The following CCNT1 variants were observed in gnomAD, a reference collection of about 807,000 sequenced individuals.
The protein encoded by CCNT1 is cyclin-T1.
A neutral mutation model predicts 67.3 loss-of-function variants in CCNT1; 18 were observed. The observed-to-expected ratio is 0.27, with a 90% CI of 0.18 to 0.40. CCNT1 has a LOEUF of 0.40. CCNT1 is among the 10% of genes least tolerant of loss of function. The pLI, the probability that CCNT1 is intolerant of heterozygous loss-of-function variation, is 1.00. For synonymous variants in CCNT1, 333 were observed against 310.3 expected, an observed-to-expected ratio of 1.07 and a Z score of -0.77; for missense variants, 744 against 884.9, an observed-to-expected ratio of 0.84 and a Z score of 2.02.
At chr12:48,703,267 A>C (rs1250246513) in intron 3 of CCNT1, among the ~76,000 whole-genome samples, 2 of 151,844 alleles carry the variant, frequency 1.3e-5, no homozygotes, top group African/African-American at 4.8e-5. Context: ...ACAAAACGAG[A>C]TTCTGTCTCA....
intron 2 of CCNT1, among the ~76,000 whole-genome samples, chr12:48,709,301 T>C (rs1940412508): frequency 6.6e-6 from 1 of 152,234 alleles, no homozygotes; most frequent in Admixed American, 6.5e-5. Flanking sequence ...TAATATTTGT[T>C]GTTTGTTAGG....
intron 3 of CCNT1, among the ~76,000 whole-genome samples, chr12:48,704,051 G>A (rs1940315921): frequency 6.6e-6 from 1 of 152,034 alleles, no homozygotes; most frequent in South Asian, 2.1e-4. Flanking sequence ...TTAAATACTA[G>A]CCAGACATTT....
At position 48,694,168 on chromosome 12, in the gene CCNT1, T is replaced by C. The variant is rs748949390; in HGVS notation, c.1046A>G (p.His349Arg). 3.1e-6 allele frequency: 5 copies of C among 1,614,242 alleles called. No individual in the cohort carries two copies. The East Asian group carries it at 6.7e-5, about 22-fold the overall frequency. ...AAGTGCTAAATTCTCACTAGTCCGA[T>C]GACCCTGAGTAGGTTCTAGTTTGAA... ...PSFKLEPTQG[H>R]RTSENLALTG... Residue 349 changes from histidine (H) to arginine (R), a missense_variant, in exon 9 of 9, where the codon CAT becomes CGT. His to Arg is a conservative substitution (Grantham distance 29, BLOSUM62 0). Coordinates refer to ENST00000261900, the MANE Select transcript of CCNT1 (RefSeq NM_001240.4).
intron 2 of CCNT1, among the ~76,000 whole-genome samples, chr12:48,708,767 C>T (rs1940404474): frequency 6.6e-6 from 1 of 152,008 alleles, no homozygotes; most frequent in Non-Finnish European, 1.5e-5. Flanking sequence ...TTAAAAAGTA[C>T]ATATTTATAA....
intron 2 of CCNT1, among the ~76,000 whole-genome samples, chr12:48,708,667 C>T (rs908425422): frequency 6.6e-6 from 1 of 151,908 alleles, no homozygotes; most frequent in African/African-American, 2.4e-5. Context: ...TACTTGCATA[C>T]AAAGAAAAAA....
chr12:48,706,912 A>G (rs980068088), intron 2 of CCNT1, among the ~76,000 whole-genome samples: 10 of 152,154 alleles, frequency 6.6e-5, no homozygotes, highest in Non-Finnish European at 1.3e-4. Flanking sequence ...ATTTAAAACA[A>G]AATTTTTTTA....
rs568529713 is a variant in CCNT1, at chr12:48,715,739, A to G, written c.161+776T>C. On this transcript the variant is annotated intron_variant, in intron 1 of 8. Transcript: ENST00000261900. ...CGGCCTCCCAAAGTGCAGAGATTACAGGCGTGAGCCACCGCATCCAGCCGT... is the reference window on the plus strand; with the variant it reads ...CGGCCTCCCAAAGTGCAGAGATTACGGGCGTGAGCCACCGCATCCAGCCGT... Among the ~76,000 whole-genome samples the G allele has an allele frequency of 2.0e-5, 3 of 152,340 alleles. No homozygotes were observed. In the South Asian group the frequency reaches 6.2e-4, roughly 32 times the overall value.
chr12:48,715,436 G>A (rs1049395796), intron 1 of CCNT1, among the ~76,000 whole-genome samples: 1 of 151,976 alleles, frequency 6.6e-6, no homozygotes, highest in Non-Finnish European at 1.5e-5. Context: ...ACAAAAATAT[G>A]TGGGAGAGGT....
chr12:48,689,670 T>C lies in CCNT1; in HGVS notation c.*3363A>G, dbSNP rs577661603. ...CAAAATAACTCATAAACAAAAAAAA[T>C]TGTAAATATTAATCAGTTCCCAAAA... On this transcript the variant is annotated 3_prime_UTR_variant, in exon 9 of 9. Coordinates refer to ENST00000261900, the MANE Select transcript of CCNT1 (RefSeq NM_001240.4). 4.6e-5 allele frequency: 7 copies of C among 152,272 alleles called. No homozygotes were observed. The East Asian group carries it at 7.7e-4, about 17-fold the overall frequency. The allele number at this position is 152,272 out of a possible 1,614,324, so 9.4% of individuals were successfully genotyped here.
At chr12:48,696,295 G>A in intron 6 of CCNT1, 133 bp from the exon 7 acceptor site, 1 of 572,678 alleles carries the variant, frequency 1.7e-6, no homozygotes, top group African/African-American at 2.0e-5. Context: ...AGAGTAAGAA[G>A]GGTAAGAAAT....
At chr12:48,709,164 A>G (rs900771324) in intron 2 of CCNT1, among the ~76,000 whole-genome samples, 1 of 152,188 alleles carries the variant, frequency 6.6e-6, no homozygotes, top group Non-Finnish European at 1.5e-5. Context: ...TTAGAAACTA[A>G]AAGTATGGCA....
chr12:48,696,239 TAAAAAAAAAAAAAAA>T (rs71080140), intron 6 of CCNT1, 77 bp from the exon 7 acceptor site: 70 of 72,026 alleles, frequency 9.7e-4, no homozygotes, highest in Middle Eastern at 0.013. Flanking sequence ...CTCCATTATT[TAAAAAAAAAAAAAAA>T]AAAAAAAAAA....
At chr12:48,705,655 G>T in intron 3 of CCNT1, 113 bp downstream of exon 3, 1 of 820,478 alleles carries the variant, frequency 1.2e-6, no homozygotes, top group Non-Finnish European at 1.9e-6. Flanking sequence ...ATAAATCGAA[G>T]TTATAAAATT....
At chr12:48,700,793 A>G (rs1940252923) in intron 4 of CCNT1, among the ~76,000 whole-genome samples, 1 of 152,228 alleles carries the variant, frequency 6.6e-6, no homozygotes, top group Non-Finnish European at 1.5e-5. Context: ...GAAAAAAATA[A>G]TAACCCACTG....
At chr12:48,716,361 G>A (rs1449595512) in intron 1 of CCNT1, among the ~76,000 whole-genome samples, 154 bp downstream of exon 1, 1 of 152,244 alleles carries the variant, frequency 6.6e-6, no homozygotes, top group Non-Finnish European at 1.5e-5. Context: ...CGCTAACTGA[G>A]TTTCAGCCCG....
At position 48,698,189 on chromosome 12, in the gene CCNT1, G is replaced by GAAAA. The variant is rs11420004; in HGVS notation, c.497-10_497-7dup. 296 of 1,102,168 alleles carry GAAAA rather than the reference G, an allele frequency of 2.7e-4. No individual in the cohort carries two copies. Among genetic ancestry groups the GAAAA allele is most frequent in the South Asian group, 6.0e-4 (35 of 58,668 alleles). The allele number at this position is 1,102,168 out of a possible 1,614,324, so 68.3% of individuals were successfully genotyped here. A position where few individuals can be genotyped will look rare whatever the true frequency, so the allele number is the denominator to read the frequency against. ...CTGTGCTAAGTCCTTGCTTGCTAAA[G>GAAAA]AAAAAAAAAAAAAGTCAGGGGTGGG... On this transcript the variant is annotated splice_polypyrimidine_tract_variant and splice_region_variant and intron_variant, in intron 5 of 8. Transcript: ENST00000261900.
At chr12:48,697,534 A>AATATATATATAT (rs771889041) in intron 6 of CCNT1, among the ~76,000 whole-genome samples, 11 of 130,704 alleles carry the variant, frequency 8.4e-5, no homozygotes, top group African/African-American at 3.3e-4. Context: ...AAAAAAAAAA[A>AATATATATATAT]ATATATATAT....
intron 2 of CCNT1, among the ~76,000 whole-genome samples, chr12:48,712,576 C>A (rs1344733698): frequency 1.5e-5 from 1 of 68,694 alleles, no homozygotes; most frequent in African/African-American, 5.1e-5. Context: ...ATAATCTTTT[C>A]CTTAAAAAAA....
In CCNT1 at chr12:48,690,440, AATTTGGACAATAC is replaced by A. The variant is rs749576150; in HGVS notation, c.*2580_*2592del. On this transcript the variant is annotated 3_prime_UTR_variant, in exon 9 of 9. Coordinates refer to ENST00000261900, the MANE Select transcript of CCNT1 (RefSeq NM_001240.4). ...GCCCTTAAAAACCTTAAGTTTATGG[AATTTGGACAATAC>A]ACATGCTAGTTGACAGGCACATCTG... The A allele has an allele frequency of 1.3e-4, 20 of 152,408 alleles. No individual in the cohort carries two copies. Among genetic ancestry groups the A allele is most frequent in the Non-Finnish European group, 2.6e-4 (18 of 68,196 alleles). 9.4% of individuals were successfully genotyped at this position (152,408 alleles called of 1,614,324 possible).
Sources: gnomAD v4.1 joint callset for allele counts (sites outside exome capture counted in the v4.1 genomes callset) on GRCh38, gnomAD v4.1.1 for gene constraint, MANE v1.5 for transcripts, NCBI Gene and HGNC (gene_info 2026-07-23, HGNC 2026-07-21) for gene names.